The following TOP3B variants were observed in gnomAD, a reference collection of about 807,000 sequenced individuals.
TOP3B encodes DNA topoisomerase III beta.
Under a neutral mutation model 93.9 loss-of-function variants are expected in TOP3B, and 45 were observed. That is an observed-to-expected ratio of 0.48 (90% CI 0.38 to 0.61). The LOEUF is 0.61. Among genes scored for constraint, TOP3B ranks in the 20% least tolerant of loss-of-function variants. TOP3B has a pLI of 0.00. For synonymous variants in TOP3B, 357 were observed against 472.6 expected (o/e 0.76, Z 3.17); for missense variants, 750 against 1,156.1 (o/e 0.65, Z 5.09).
chr22:21,959,042 G>A, intron 16 of TOP3B, 90 bp downstream of exon 16: 1 of 1,543,542 alleles, frequency 6.5e-7, no homozygotes. Flanking sequence ...TGACAACCAG[G>A]ACAAAGAACA....
intron 1 of TOP3B, among the ~76,000 whole-genome samples, chr22:21,980,916 C>A (rs183866387): frequency 1.2e-3 from 189 of 152,306 alleles, no homozygotes; most frequent in African/African-American, 3.3e-3. Context: ...AATGAACAAC[C>A]AAGGTGATTA....
chr22:21,972,605 C>T lies in TOP3B; in HGVS notation c.309+7G>A. 6.2e-7 allele frequency: 1 copy of T among 1,602,930 alleles called. No homozygotes were observed. Among genetic ancestry groups the T allele is most frequent in the Non-Finnish European group, 8.5e-7 (1 of 1,174,856 alleles). On this transcript the variant is annotated splice_region_variant and intron_variant, in intron 4 of 17. Coordinates refer to ENST00000357179, the MANE Select transcript of TOP3B (RefSeq NM_001282112.2). ...GGTGTGCTCATGCCCAGGCCAGCCC[C>T]ACGCACCTGCAGGAACTTCACCATG...
intron 6 of TOP3B, chr22:21,969,612 A>T (rs2071551025): frequency 1.3e-5 from 2 of 151,002 alleles, no homozygotes; most frequent in Non-Finnish European, 2.9e-5. Context: ...AAAAACAAAC[A>T]AACAAAAAAA....
intron 2 of TOP3B, chr22:21,974,855 C>G (rs2071797232): frequency 6.0e-6 from 1 of 166,680 alleles, no homozygotes; most frequent in South Asian, 1.5e-4. Context: ...CAGATCTACT[C>G]TCGGTTACCA....
chr22:21,980,765 CCT>C (rs1196958200), intron 1 of TOP3B, among the ~76,000 whole-genome samples: 1 of 152,230 alleles, frequency 6.6e-6, no homozygotes, highest in Non-Finnish European at 1.5e-5. Flanking sequence ...CACTTTTCCC[CCT>C]TAGTCTACTT....
intron 13 of TOP3B, chr22:21,960,706 A>G: frequency 2.0e-6 from 1 of 495,166 alleles, no homozygotes; most frequent in Non-Finnish European, 3.7e-6. Context: ...CAGAGACAAC[A>G]GGCTCGGAGG....
Position 21,964,245 on chromosome 22 carries a change from C to T in TOP3B, c.1014G>A (p.Arg338=), listed in dbSNP as rs186276391. 1 of 1,614,162 alleles carries T rather than the reference C, an allele frequency of 6.2e-7. No homozygotes were observed. Among genetic ancestry groups the T allele is most frequent in the Non-Finnish European group, 8.5e-7 (1 of 1,180,016 alleles). The change falls in exon 10 of 18, where the codon CGG becomes CGA. Residue 338 remains arginine (R), a synonymous_variant. Transcript: ENST00000357179. ...TCTCAGGGTAGTGGGTGGTCTCTGT[C>T]CGTGGGTAGCTGATGTAGCCTTGCG... ...LYTQGYISYP[R]TETTHYPENF... is the part of the protein sequence containing the mutation.
At position 21,963,906 on chromosome 22, in the gene TOP3B, T is replaced by C. The variant is rs144819812; in HGVS notation, c.1204+17A>G. 1.1e-5 allele frequency: 17 copies of C among 1,612,144 alleles called. No homozygotes were observed. Among genetic ancestry groups the C allele is most frequent in the Middle Eastern group, 1.7e-4 (1 of 5,754 alleles). The stretch of plus-strand genomic sequence containing the variant: ...TCCCTCCCTGGAAGCACACCGGGTA[T>C]GGGATGAGAGCGGTACCTAATTCGG... On this transcript the variant is annotated intron_variant, in intron 11 of 17. Coordinates refer to ENST00000357179, the MANE Select transcript of TOP3B (RefSeq NM_001282112.2). The surrounding 1 kb of genome is among the most constrained non-coding windows in gnomAD (Gnocchi z 4.8).
chr22:21,979,855 G>A (rs1223389552), intron 1 of TOP3B, among the ~76,000 whole-genome samples: 1 of 150,838 alleles, frequency 6.6e-6, no homozygotes, highest in African/African-American at 2.4e-5. Context: ...GCAGGAGAAT[G>A]GTGTGAACCC....
rs2071296929 is a variant in TOP3B, at chr22:21,963,832, C to T, written c.1204+91G>A. 24 of 1,363,086 alleles carry T rather than the reference C, an allele frequency of 1.8e-5. No homozygotes were observed. Among genetic ancestry groups the T allele is most frequent in the Admixed American group, 1.4e-4 (8 of 55,520 alleles). 84.4% of individuals were successfully genotyped at this position (1,363,086 alleles called of 1,614,324 possible). A position where few individuals can be genotyped will look rare whatever the true frequency, so the allele number is the denominator to read the frequency against. ...CAGGGCAGGCAGAGGCTGAAGGAGC[C>T]CCCACATTGCCAACAGGGCCTGCAA... is the stretch of plus-strand genomic sequence containing the variant. On this transcript the variant is annotated intron_variant, in intron 11 of 17. Transcript: ENST00000357179. This position sits in a 1 kb window ranked among gnomAD's most constrained non-coding sequence, Gnocchi z 4.8.
At chr22:21,960,586 C>A in intron 13 of TOP3B, 137 bp from the exon 14 acceptor site, 1 of 1,205,118 alleles carries the variant, frequency 8.3e-7, no homozygotes, top group Non-Finnish European at 1.2e-6. Flanking sequence ...AGGGCTGTGC[C>A]CTGAGCTCCC....
chr22:21,980,334 A>G lies in TOP3B; in HGVS notation c.-99+2396T>C, dbSNP rs115130410. Among the ~76,000 whole-genome samples, 964 of 152,280 alleles carry G rather than the reference A, an allele frequency of 6.3e-3. 10 individuals carry two copies. Among genetic ancestry groups the G allele is most frequent in the African/African-American group, 0.022 (918 of 41,556 alleles). ...GAACTAAGACAAGGGACTTTACAAT[A>G]AAACCAGAAAAATAAAGGAGGGTTG... On this transcript the variant is annotated intron_variant, in intron 1 of 17. Transcript: ENST00000357179.
At position 21,975,777 on chromosome 22, in the gene TOP3B, C is replaced by T. The variant is rs755151803; in HGVS notation, c.-68G>A. On this transcript the variant is annotated 5_prime_UTR_variant, in exon 2 of 18. Coordinates refer to ENST00000357179, the MANE Select transcript of TOP3B (RefSeq NM_001282112.2). Reference sequence around the variant, plus strand: ...TGAAAAAGTTTAGACTCCACTCTTCCGCAGCACAGCACTATTACCAATGCT... The same window carrying T: ...TGAAAAAGTTTAGACTCCACTCTTCTGCAGCACAGCACTATTACCAATGCT... The T allele has an allele frequency of 1.9e-5, 30 of 1,553,880 alleles. No individual in the cohort carries two copies. The highest frequency in any genetic ancestry group is 3.5e-5 in the Admixed American group (2 of 57,462).
chr22:21,961,574 C>G (rs2071183674), intron 13 of TOP3B: 1 of 152,580 alleles, frequency 6.6e-6, no homozygotes, highest in East Asian at 1.9e-4. Context: ...GGCAGGTGCC[C>G]TGGACCCCTG....
In TOP3B at chr22:21,971,627, G is replaced by A. The variant is rs1189774210; in HGVS notation, c.384+250C>T. ...AACCTGCATCCACCCAGACAATTTG[G>A]CCCCTCCTATGTTCACTCATACCGT... On this transcript the variant is annotated intron_variant, in intron 5 of 17. Transcript: ENST00000357179. The surrounding 1 kb of genome is among the most constrained non-coding windows in gnomAD (Gnocchi z 4.6). The A allele has an allele frequency of 1.9e-6, 1 of 531,162 alleles. No homozygotes were observed. Among genetic ancestry groups the A allele is most frequent in the Non-Finnish European group, 3.4e-6 (1 of 290,950 alleles). 32.9% of individuals were successfully genotyped at this position (531,162 alleles called of 1,614,324 possible).
intron 15 of TOP3B, 80 bp from the exon 16 acceptor site, chr22:21,959,312 A>G: frequency 6.3e-7 from 1 of 1,586,624 alleles, no homozygotes; most frequent in Non-Finnish European, 8.5e-7. Flanking sequence ...CAAGGGTCTG[A>G]GTGTGAAAGG....
rs1413544027 is a variant in TOP3B at position 21,960,400 on chromosome 22, G to C, written c.1575C>G (p.Asn525Lys). 7.4e-6 allele frequency: 12 copies of C among 1,613,650 alleles called. No homozygotes were observed. The African/African-American group carries it at 1.5e-4, about 20-fold the overall frequency. The change falls in exon 14 of 18, where the codon AAC (asparagine) becomes AAG (lysine). Residue 525 changes from asparagine to lysine, a missense_variant. Transcript: ENST00000357179. ...PVHINNICQRNYVTVESGRRL... is the reference protein window; with the variant it reads ...PVHINNICQRKYVTVESGRRL... ...GGCGCCCGCTCTCCACCGTGACATA[G>C]TTGCGCTGGCAGATGTTGTTGATAT... is the stretch of plus-strand genomic sequence containing the variant.
At position 21,971,117 on chromosome 22, in the gene TOP3B, C is replaced by T; in HGVS notation, c.385-711G>A. On this transcript the variant is annotated intron_variant, in intron 5 of 17. Coordinates refer to ENST00000357179, the MANE Select transcript of TOP3B (RefSeq NM_001282112.2). The surrounding 1 kb of genome is among the most constrained non-coding windows in gnomAD (Gnocchi z 4.6). ...CATTCTCCATTCCCAGATGCAAAGG[C>T]CCCCAGGGAGGAGCCGCCCTGCAGG... 7.3e-6 allele frequency: 9 copies of T among 1,231,376 alleles called. No individual in the cohort carries two copies. The highest frequency in any genetic ancestry group is 6.4e-5 in the South Asian group (5 of 78,662). The allele number at this position is 1,231,376 out of a possible 1,614,324, so 76.3% of individuals were successfully genotyped here. A position where few individuals can be genotyped will look rare whatever the true frequency, so the allele number is the denominator to read the frequency against.
chr22:21,959,174 G>T lies in TOP3B; in HGVS notation c.1863C>A (p.Leu621=), dbSNP rs369635594. 6.2e-7 allele frequency: 1 copy of T among 1,613,718 alleles called. No individual in the cohort carries two copies. The highest frequency in any genetic ancestry group is 1.7e-5 in the Admixed American group (1 of 60,000). The change falls in exon 16 of 18, where the codon CTC becomes CTA. Residue 621 remains leucine, a synonymous_variant. Coordinates refer to ENST00000357179, the MANE Select transcript of TOP3B (RefSeq NM_001282112.2). Reference sequence around the variant, plus strand: ...AGCGGTGGCACTTCCCACAGCGTGAGAGGGGCTTGCCTGTGGCCGCCAGGG... The same window carrying T: ...AGCGGTGGCACTTCCCACAGCGTGATAGGGGCTTGCCTGTGGCCGCCAGGG... ...FSPLAATGKP[L]SRCGKCHRFM...
Sources: gnomAD v4.1 joint callset for allele counts (sites outside exome capture counted in the v4.1 genomes callset) on GRCh38, gnomAD v4.1.1 for gene constraint, Gnocchi (gnomAD v3.1) non-coding constraint, MANE v1.5 for transcripts, NCBI Gene and HGNC (gene_info 2026-07-23, HGNC 2026-07-21) for gene names.